Variants in ZNF385D observed in about 807,000 individuals in gnomAD.
ZNF385D encodes zinc finger protein 659.
In ZNF385D, 15 loss-of-function variants were observed where a neutral mutation model predicts 35.8. The ratio of observed to expected loss-of-function variants is 0.42; its 90% CI spans 0.28 to 0.64. The LOEUF is 0.64. ZNF385D is among the 30% of genes least tolerant of loss of function. The probability of loss-of-function intolerance (pLI) is 0.23; values close to 1 mark genes in which losing one functional copy is unlikely to be tolerated. For synonymous variants in ZNF385D, 212 were observed against 186.8 expected (o/e 1.13, Z -1.10); for missense variants, 474 against 494.6 (o/e 0.96, Z 0.39).
intron 3 of ZNF385D, among the ~76,000 whole-genome samples, chr3:22,067,840 G>A (rs571421962): frequency 6.6e-6 from 1 of 152,208 alleles, no homozygotes; most frequent in East Asian, 1.9e-4. Flanking sequence ...TGCCCAACAT[G>A]GTGAAACCCT....
At chr3:22,036,545 A>G (rs1406496343) in intron 3 of ZNF385D, among the ~76,000 whole-genome samples, 2 of 152,280 alleles carry the variant, frequency 1.3e-5, no homozygotes, top group Admixed American at 1.3e-4. Flanking sequence ...TGATATGAGT[A>G]TATGGCAAAT....
chr3:21,453,442 G>T (rs1244623948), intron 4 of ZNF385D, among the ~76,000 whole-genome samples: 1 of 151,904 alleles, frequency 6.6e-6, no homozygotes, highest in Non-Finnish European at 1.5e-5. Flanking sequence ...TCCATTAAAT[G>T]GGAGAAAATA....
At chr3:21,994,047 A>G (rs886694376) in intron 3 of ZNF385D, among the ~76,000 whole-genome samples, 1 of 152,216 alleles carries the variant, frequency 6.6e-6, no homozygotes, top group African/African-American at 2.4e-5. Context: ...CATTTAGCAT[A>G]AGCCCAAACC....
At chr3:21,901,976 A>T (rs550866206) in intron 3 of ZNF385D, among the ~76,000 whole-genome samples, 19 of 152,262 alleles carry the variant, frequency 1.2e-4, no homozygotes, top group African/African-American at 4.6e-4. Context: ...GGATGGTCAC[A>T]GTCTCTCTGT....
intron 3 of ZNF385D, among the ~76,000 whole-genome samples, chr3:21,532,592 A>G (rs964280262): frequency 1.3e-5 from 2 of 151,834 alleles, no homozygotes; most frequent in African/African-American, 2.4e-5. Flanking sequence ...AACCATCTGT[A>G]CCCCATAATT....
In ZNF385D at chr3:21,490,037, A is replaced by G. The variant is rs536258317; in HGVS notation, c.439+20824T>C. 1.1e-3 allele frequency among the ~76,000 whole-genome samples: 163 copies of G among 152,296 alleles called. 1 individual carries two copies. Among genetic ancestry groups the G allele is most frequent in the Non-Finnish European group, 1.7e-3 (115 of 68,018 alleles). On this transcript the variant is annotated intron_variant, in intron 4 of 7. Transcript: ENST00000281523. ...CAAACACATAGCTTAAACCTTATATAAATCTGAATTTAGCCTCTGCTTTCC... is the reference window on the plus strand; with the variant it reads ...CAAACACATAGCTTAAACCTTATATGAATCTGAATTTAGCCTCTGCTTTCC...
chr3:21,802,604 C>A (rs2072456164), intron 3 of ZNF385D, among the ~76,000 whole-genome samples: 1 of 152,026 alleles, frequency 6.6e-6, no homozygotes, highest in African/African-American at 2.4e-5. Flanking sequence ...ATGTGGCAGG[C>A]AGGGCACTTC....
At chr3:21,604,117 T>A (rs1259249371) in intron 2 of ZNF385D, among the ~76,000 whole-genome samples, 1 of 152,180 alleles carries the variant, frequency 6.6e-6, no homozygotes, top group Non-Finnish European at 1.5e-5. Flanking sequence ...ACACTTTCAC[T>A]ACATAAAAAC....
intron 2 of ZNF385D, among the ~76,000 whole-genome samples, chr3:22,242,261 G>C (rs943805446): frequency 6.6e-6 from 1 of 151,036 alleles, no homozygotes; most frequent in African/African-American, 2.4e-5. Context: ...CCCTAAGAAG[G>C]TGATTACTGT....
At chr3:22,228,191 C>T (rs762268154) in intron 2 of ZNF385D, among the ~76,000 whole-genome samples, 10 of 152,166 alleles carry the variant, frequency 6.6e-5, no homozygotes, top group Non-Finnish European at 1.3e-4. Flanking sequence ...GACAACAAAA[C>T]AGTCTGTGAG....
At chr3:22,168,707 T>C (rs1706497334) in intron 3 of ZNF385D, 1 of 660,586 alleles carries the variant, frequency 1.5e-6, no homozygotes, top group African/African-American at 2.0e-5. Context: ...TTAAGTAATA[T>C]TTTTCCTGGT....
At chr3:21,556,061 T>TG (rs2062725052) in intron 3 of ZNF385D, among the ~76,000 whole-genome samples, 1 of 132,342 alleles carries the variant, frequency 7.6e-6, no homozygotes, top group Non-Finnish European at 1.6e-5. Context: ...ACGTTTTTTT[T>TG]GTTTTTGTTT....
At chr3:22,066,376 G>GTA (rs1282706124) in intron 3 of ZNF385D, among the ~76,000 whole-genome samples, 5 of 150,852 alleles carry the variant, frequency 3.3e-5, no homozygotes, top group African/African-American at 1.2e-4. Flanking sequence ...GTGTGTGTGT[G>GTA]TATGTAAAAA....
At chr3:21,920,572 C>A (rs1480361301) in intron 3 of ZNF385D, among the ~76,000 whole-genome samples, 2 of 140,802 alleles carry the variant, frequency 1.4e-5, no homozygotes, top group Non-Finnish European at 1.5e-5. Flanking sequence ...TGAGATCATT[C>A]TGGAAGAATG....
At chr3:21,517,251 T>G (rs1030318997) in intron 3 of ZNF385D, among the ~76,000 whole-genome samples, 3 of 152,110 alleles carry the variant, frequency 2.0e-5, no homozygotes, top group Admixed American at 2.0e-4. Flanking sequence ...GCACCTGCTG[T>G]GTCCAGACAC....
chr3:22,064,652 T>C (rs989132929), intron 3 of ZNF385D, among the ~76,000 whole-genome samples: 2 of 152,176 alleles, frequency 1.3e-5, no homozygotes, highest in Non-Finnish European at 2.9e-5. Context: ...CAGATGAACC[T>C]GGAGGACCTT....
chr3:21,520,638 T>C (rs1483546692), intron 3 of ZNF385D, among the ~76,000 whole-genome samples: 1 of 152,196 alleles, frequency 6.6e-6, no homozygotes, highest in Non-Finnish European at 1.5e-5. Context: ...ATGGGAACTC[T>C]CTCTTTTCAA....
At chr3:21,970,629 T>A (rs139246186) in intron 3 of ZNF385D, among the ~76,000 whole-genome samples, 1 of 150,206 alleles carries the variant, frequency 6.7e-6, no homozygotes, top group South Asian at 2.1e-4. Flanking sequence ...GAGAGAGAAA[T>A]TGAGGTAGAA....
At chr3:21,634,938 T>C (rs1376972405) in intron 2 of ZNF385D, among the ~76,000 whole-genome samples, 3 of 152,108 alleles carry the variant, frequency 2.0e-5, no homozygotes, top group African/African-American at 7.2e-5. Flanking sequence ...TATTCATACA[T>C]ATCAGGATAA....
Sources: gnomAD v4.1 joint callset for allele counts (sites outside exome capture counted in the v4.1 genomes callset) on GRCh38, gnomAD v4.1.1 for gene constraint, MANE v1.5 for transcripts, NCBI Gene and HGNC (gene_info 2026-07-23, HGNC 2026-07-21) for gene names.